The following PRKG1 variants were observed in gnomAD, a reference collection of about 807,000 sequenced individuals.
PRKG1 encodes the protein cGMP-dependent protein kinase 1.
In PRKG1, 35 loss-of-function variants were observed where a neutral mutation model predicts 88.1. That is an observed-to-expected ratio of 0.40 (90% CI 0.30 to 0.53). The LOEUF (loss-of-function observed/expected upper bound fraction) is 0.53. PRKG1 is among the 20% of genes least tolerant of loss of function. The pLI is 0.59. For synonymous variants in PRKG1, 303 were observed against 292.5 expected, an observed-to-expected ratio of 1.04 and a Z score of -0.37; for missense variants, 540 against 839.8, an observed-to-expected ratio of 0.64 and a Z score of 4.41.
intron 3 of PRKG1, among the ~76,000 whole-genome samples, chr10:51,735,445 T>C (rs1450320925): frequency 6.6e-6 from 1 of 152,156 alleles, no homozygotes; most frequent in African/African-American, 2.4e-5. Flanking sequence ...TCTTAATGTG[T>C]GAAACTCTAC....
Position 52,117,196 on chromosome 10 carries a change from GTGTGTA to G in PRKG1, c.936-16641_936-16636del, listed in dbSNP as rs1235686502. On this transcript the variant is annotated intron_variant, in intron 7 of 17. Transcript: ENST00000373980. ...TGTGTGTGTGTGTGTGTGTGTGTGT[GTGTGTA>G]TGATTGGTAGCTTAATCTTTTAAGA... Among the ~76,000 whole-genome samples the G allele has an allele frequency of 1.1e-3, 153 of 145,398 alleles. 1 individual carries two copies. Among genetic ancestry groups the G allele is most frequent in the African/African-American group, 3.5e-3 (141 of 40,410 alleles).
intron 4 of PRKG1, among the ~76,000 whole-genome samples, chr10:51,856,376 C>T (rs959480304): frequency 6.6e-6 from 1 of 152,130 alleles, no homozygotes; most frequent in Non-Finnish European, 1.5e-5. Flanking sequence ...ATGTAAGTAT[C>T]CTTGAAGTCA....
chr10:51,103,211 T>A (rs545667604), intron 1 of PRKG1, among the ~76,000 whole-genome samples: 1 of 151,138 alleles, frequency 6.6e-6, no homozygotes, highest in East Asian at 1.9e-4. Flanking sequence ...TAGAAGGGGG[T>A]CATTAAAGAA....
At chr10:51,621,112 A>G (rs559945212) in intron 3 of PRKG1, among the ~76,000 whole-genome samples, 7 of 149,620 alleles carry the variant, frequency 4.7e-5, no homozygotes, top group African/African-American at 1.7e-4. Flanking sequence ...GTGTGTGTAT[A>G]TATATGCTGA....
At chr10:52,115,718 G>T (rs947558979) in intron 7 of PRKG1, among the ~76,000 whole-genome samples, 2 of 152,066 alleles carry the variant, frequency 1.3e-5, no homozygotes, top group Non-Finnish European at 2.9e-5. Context: ...CAAAAACTGT[G>T]TTACTTACTA....
chr10:51,221,726 A>G, intron 2 of PRKG1, among the ~76,000 whole-genome samples: 1 of 152,058 alleles, frequency 6.6e-6, no homozygotes, highest in Non-Finnish European at 1.5e-5. Context: ...AGCAGTAAAT[A>G]AATCTCTTTT....
chr10:52,212,608 G>T (rs1010203935), intron 9 of PRKG1, among the ~76,000 whole-genome samples: 16 of 151,482 alleles, frequency 1.1e-4, no homozygotes, highest in Non-Finnish European at 1.2e-4. Flanking sequence ...GGGGAGAGGG[G>T]TGGTGTAGGG....
intron 2 of PRKG1, among the ~76,000 whole-genome samples, chr10:51,355,363 C>G (rs1279213335): frequency 1.3e-5 from 2 of 151,954 alleles, no homozygotes; most frequent in Non-Finnish European, 2.9e-5. Flanking sequence ...TCAGACTTTG[C>G]AGAAGAGAAA....
At chr10:52,043,763 T>C (rs1054006385) in intron 5 of PRKG1, among the ~76,000 whole-genome samples, 1 of 151,856 alleles carries the variant, frequency 6.6e-6, no homozygotes, top group Admixed American at 6.6e-5. Flanking sequence ...ACATTACACA[T>C]GTATATATAT....
intron 7 of PRKG1, among the ~76,000 whole-genome samples, chr10:52,110,949 T>A (rs568610795): frequency 9.2e-5 from 14 of 152,298 alleles, no homozygotes; most frequent in African/African-American, 3.4e-4. Flanking sequence ...AGTACCTAAC[T>A]AACCATGGCC....
intron 5 of PRKG1, among the ~76,000 whole-genome samples, chr10:52,033,982 CT>C (rs1449824653): frequency 6.4e-5 from 1 of 15,552 alleles, no homozygotes; most frequent in African/African-American, 2.2e-4. Flanking sequence ...AGTGGGGGTG[CT>C]TTTTGAGCCA....
At chr10:51,041,829 T>C (rs999618473) in intron 1 of PRKG1, among the ~76,000 whole-genome samples, 1 of 152,228 alleles carries the variant, frequency 6.6e-6, no homozygotes, top group Non-Finnish European at 1.5e-5. Context: ...AATAAGTTAA[T>C]GTTTTTAATA....
At chr10:51,047,903 CT>C (rs1268339165) in intron 1 of PRKG1, among the ~76,000 whole-genome samples, 1 of 152,154 alleles carries the variant, frequency 6.6e-6, no homozygotes, top group Non-Finnish European at 1.5e-5. Flanking sequence ...CATGCTTGGC[CT>C]GCTTTATTGA....
intron 3 of PRKG1, among the ~76,000 whole-genome samples, chr10:51,793,657 T>G (rs1838930824): frequency 6.6e-6 from 1 of 152,038 alleles, no homozygotes; most frequent in Admixed American, 6.6e-5. Context: ...AAATAACATA[T>G]ACAAGAATTC....
rs142894665 is a variant in PRKG1 at position 51,410,341 on chromosome 10, T to C, written c.479-57382T>C. On this transcript the variant is annotated intron_variant, in intron 2 of 17. Coordinates refer to ENST00000373980, the MANE Select transcript of PRKG1 (RefSeq NM_006258.4). Reference sequence around the variant, plus strand: ...ATCACACAGTCACAAGGTCCCACAATAGGCCATCTACAAGCTGAGGAGCAA... The same window carrying C: ...ATCACACAGTCACAAGGTCCCACAACAGGCCATCTACAAGCTGAGGAGCAA... Among the ~76,000 whole-genome samples, 95 of 151,310 alleles carry C rather than the reference T, an allele frequency of 6.3e-4. 1 individual carries two copies. Among genetic ancestry groups the C allele is most frequent in the Admixed American group, 2.2e-3 (34 of 15,130 alleles).
intron 2 of PRKG1, among the ~76,000 whole-genome samples, chr10:51,354,428 C>CATGTTT (rs1842321079): frequency 6.6e-6 from 1 of 152,034 alleles, no homozygotes; most frequent in South Asian, 2.1e-4. Context: ...ACCTTATAAA[C>CATGTTT]ATATACAGCT....
intron 5 of PRKG1, chr10:52,046,984 T>A (rs1845876867): frequency 6.6e-6 from 1 of 151,998 alleles, no homozygotes; most frequent in Non-Finnish European, 1.5e-5. Flanking sequence ...ATAAATAGAG[T>A]GTCCCGAGTG....
At position 52,293,985 on chromosome 10, in the gene PRKG1, G is replaced by A. The variant is rs1842329977; in HGVS notation, c.*85G>A. On this transcript the variant is annotated 3_prime_UTR_variant, in exon 18 of 18. Coordinates refer to ENST00000373980, the MANE Select transcript of PRKG1 (RefSeq NM_006258.4). ...CAGCAAACCTGAGGGAAAGAGAGAA[G>A]ATTAGTGCTCGGGGTCACCATGATG... 4.3e-6 allele frequency: 5 copies of A among 1,162,008 alleles called. No individual in the cohort carries two copies. The African/African-American group carries it at 6.2e-5, about 14-fold the overall frequency. 72.0% of individuals were successfully genotyped at this position (1,162,008 alleles called of 1,614,324 possible). A position where few individuals can be genotyped will look rare whatever the true frequency, so the allele number is the denominator to read the frequency against.
rs561714993 is a variant in PRKG1, at chr10:51,359,071, A to C, written c.479-108652A>C. ...GCCTAAAATTTCAGTTGATATTGGA[A>C]AGTGGCCAGGATACTTTATTAATGG... On this transcript the variant is annotated intron_variant, in intron 2 of 17. Transcript: ENST00000373980. Among the ~76,000 whole-genome samples, 64 of 151,754 alleles carry C rather than the reference A, an allele frequency of 4.2e-4. 2 individuals carry two copies. Among genetic ancestry groups the C allele is most frequent in the South Asian group, 6.2e-4 (3 of 4,816 alleles).
Sources: gnomAD v4.1 joint callset for allele counts (sites outside exome capture counted in the v4.1 genomes callset) on GRCh38, gnomAD v4.1.1 for gene constraint, MANE v1.5 for transcripts, NCBI Gene and HGNC (gene_info 2026-07-23, HGNC 2026-07-21) for gene names.